GRM1: variants seen among roughly 807,000 people sequenced by gnomAD.
GRM1 encodes the protein glutamate metabotropic receptor 1.
GRM1 carries 33 observed loss-of-function variants against 90.9 expected under a neutral mutation model. That is an observed-to-expected ratio of 0.36 (90% CI 0.28 to 0.49). The LOEUF (loss-of-function observed/expected upper bound fraction) is 0.49, where lower values mean the gene tolerates loss of function less well. GRM1 is among the 20% of genes least tolerant of loss of function. The pLI is 0.99. For synonymous variants in GRM1, 700 were observed against 613.2 expected, an observed-to-expected ratio of 1.14 and a Z score of -2.09; for missense variants, 1,190 against 1,534.3, an observed-to-expected ratio of 0.78 and a Z score of 3.75.
At chr6:146,179,132 G>A (rs942299188) in intron 2 of GRM1, among the ~76,000 whole-genome samples, 1 of 152,126 alleles carries the variant, frequency 6.6e-6, no homozygotes, top group South Asian at 2.1e-4. Flanking sequence ...TACAAATTGG[G>A]AGAAAAGGGT....
rs1361162432 is a variant in GRM1 at position 146,435,631 on chromosome 6, C to A, written c.*835C>A. ...TCAGCATGAGACTTTGAAAAAAAAA[C>A]ACATGATCAGCTTCTCATGTTCCAT... On this transcript the variant is annotated 3_prime_UTR_variant, in exon 8 of 8. Transcript: ENST00000282753. The A allele has an allele frequency of 2.0e-5, 3 of 152,324 alleles. No individual in the cohort carries two copies. The highest frequency in any genetic ancestry group is 4.4e-5 in the Non-Finnish European group (3 of 67,984). 9.4% of individuals were successfully genotyped at this position (152,324 alleles called of 1,614,324 possible).
chr6:146,279,725 A>G (rs1367634256), intron 2 of GRM1, among the ~76,000 whole-genome samples: 1 of 152,160 alleles, frequency 6.6e-6, no homozygotes, highest in Non-Finnish European at 1.5e-5. Flanking sequence ...CCAAGCTTTT[A>G]CTTATATAAA....
rs191956142 is a variant in GRM1 at position 146,391,972 on chromosome 6, A to G, written c.1729+4956A>G. Among the ~76,000 whole-genome samples, 11 of 152,232 alleles carry G rather than the reference A, an allele frequency of 7.2e-5. No homozygotes were observed. The East Asian group carries it at 1.7e-3, about 24-fold the overall frequency. ...CATAACAACATTGTTCTTCATCTGT[A>G]TTTGATGCACTGTATAGGACAGAGT... On this transcript the variant is annotated intron_variant, in intron 6 of 7. Transcript: ENST00000282753.
At chr6:146,140,204 G>A (rs914317907) in intron 1 of GRM1, among the ~76,000 whole-genome samples, 2 of 126,550 alleles carry the variant, frequency 1.6e-5, no homozygotes, top group African/African-American at 6.1e-5. Flanking sequence ...TTTAGTGAAG[G>A]TGATTTTTCT....
chr6:146,408,810 A>T (rs1777451756), intron 7 of GRM1, among the ~76,000 whole-genome samples: 1 of 152,154 alleles, frequency 6.6e-6, no homozygotes, highest in Non-Finnish European at 1.5e-5. Context: ...AAGAAAGATG[A>T]GGTCATTTGC....
chr6:146,164,071 C>T (rs1384330072), intron 2 of GRM1, among the ~76,000 whole-genome samples: 1 of 137,306 alleles, frequency 7.3e-6, no homozygotes, highest in Non-Finnish European at 1.5e-5. Context: ...TGGATCTGTT[C>T]TAATTCTTAA....
chr6:146,116,235 G>A (rs1232811610), intron 1 of GRM1, among the ~76,000 whole-genome samples: 3 of 152,080 alleles, frequency 2.0e-5, no homozygotes, highest in Admixed American at 6.5e-5. Context: ...GGGATTACAG[G>A]CATGAACCAT....
intron 7 of GRM1, among the ~76,000 whole-genome samples, chr6:146,427,378 T>C (rs953054311): frequency 6.6e-6 from 1 of 152,184 alleles, no homozygotes; most frequent in Non-Finnish European, 1.5e-5. Flanking sequence ...GAGTCTGTGG[T>C]CATTTTCAGC....
At chr6:146,127,407 A>G (rs1482909778) in intron 1 of GRM1, among the ~76,000 whole-genome samples, 1 of 152,198 alleles carries the variant, frequency 6.6e-6, no homozygotes, top group Non-Finnish European at 1.5e-5. Context: ...TGAAGCAGAA[A>G]TAGAAGTGCC....
intron 1 of GRM1, among the ~76,000 whole-genome samples, chr6:146,060,609 C>G (rs1775632452): frequency 6.6e-6 from 1 of 152,134 alleles, no homozygotes; most frequent in Admixed American, 6.6e-5. Context: ...TATAGTATTC[C>G]ATGATGTATA....
At chr6:146,111,330 G>T (rs1227893886) in intron 1 of GRM1, among the ~76,000 whole-genome samples, 1 of 152,206 alleles carries the variant, frequency 6.6e-6, no homozygotes, top group Non-Finnish European at 1.5e-5. Context: ...TAACTGATTT[G>T]TAAAGTGGGG....
At chr6:146,361,093 G>C (rs922692329) in intron 5 of GRM1, among the ~76,000 whole-genome samples, 1 of 152,192 alleles carries the variant, frequency 6.6e-6, no homozygotes, top group Non-Finnish European at 1.5e-5. Flanking sequence ...CAGAGCCCAG[G>C]ACTTGTAACA....
intron 1 of GRM1, among the ~76,000 whole-genome samples, chr6:146,094,807 T>G (rs1345100685): frequency 1.3e-5 from 2 of 152,010 alleles, no homozygotes; most frequent in Non-Finnish European, 2.9e-5. Context: ...TCCCAGAAAA[T>G]GTGCTGAGAA....
intron 2 of GRM1, among the ~76,000 whole-genome samples, chr6:146,282,695 A>G (rs1474557402): frequency 6.6e-6 from 1 of 152,186 alleles, no homozygotes; most frequent in African/African-American, 2.4e-5. Flanking sequence ...ATTAAGAAAA[A>G]TATTATTTAT....
chr6:146,231,759 T>C (rs1267060454), intron 2 of GRM1, among the ~76,000 whole-genome samples: 3 of 152,108 alleles, frequency 2.0e-5, no homozygotes, highest in Non-Finnish European at 2.9e-5. Context: ...TATTTCATTA[T>C]ACCTTACTTT....
chr6:146,112,024 G>A (rs955114725), intron 1 of GRM1, among the ~76,000 whole-genome samples: 1 of 152,132 alleles, frequency 6.6e-6, no homozygotes, highest in Non-Finnish European at 1.5e-5. Context: ...ACTTGATCAG[G>A]CTTGTTAGAT....
At chr6:146,169,810 G>A (rs749839069) in intron 2 of GRM1, among the ~76,000 whole-genome samples, 11 of 152,012 alleles carry the variant, frequency 7.2e-5, no homozygotes, top group African/African-American at 1.9e-4. Flanking sequence ...ATTTTATTTC[G>A]TGTTCTAGTT....
chr6:146,081,529 T>C (rs1776364118), intron 1 of GRM1, among the ~76,000 whole-genome samples: 1 of 152,186 alleles, frequency 6.6e-6, no homozygotes, highest in Non-Finnish European at 1.5e-5. Flanking sequence ...GTTAATTTGT[T>C]TTAAGCTGAA....
Position 146,324,067 on chromosome 6 carries a change from C to T in GRM1, c.1186+19221C>T, listed in dbSNP as rs138209191. Reference sequence around the variant, plus strand: ...TTCTTTTGGCTTAGGATTGACTTGGCGATGTTCTTTCAGAGATTCCCTGCC... The same window carrying T: ...TTCTTTTGGCTTAGGATTGACTTGGTGATGTTCTTTCAGAGATTCCCTGCC... On this transcript the variant is annotated intron_variant, in intron 3 of 7. Coordinates refer to ENST00000282753, the MANE Select transcript of GRM1 (RefSeq NM_001278064.2). Among the ~76,000 whole-genome samples the T allele has an allele frequency of 2.4e-3, 364 of 152,240 alleles. 4 individuals are homozygous for T. The highest frequency in any genetic ancestry group is 7.0e-3 in the African/African-American group (292 of 41,540).
Sources: allele counts gnomAD v4.1 joint callset (sites outside exome capture counted in the v4.1 genomes callset), GRCh38; gene constraint gnomAD v4.1.1; transcripts MANE v1.5; gene names NCBI Gene and HGNC (gene_info 2026-07-23, HGNC 2026-07-21).